The following GPR26 variants were observed in gnomAD, a reference collection of about 807,000 sequenced individuals.
The protein encoded by GPR26 is G protein-coupled receptor 26.
Under a neutral mutation model 23.1 loss-of-function variants are expected in GPR26, and 15 were observed. The observed-to-expected ratio is 0.65, with a 90% confidence interval of 0.43 to 1.00. The LOEUF (loss-of-function observed/expected upper bound fraction) is 1.00, where lower values mean the gene tolerates loss of function less well. GPR26 is among the 50% of genes least tolerant of loss of function. The pLI is 0.00. For synonymous variants in GPR26, 228 were observed against 222.1 expected, an observed-to-expected ratio of 1.03 and a Z score of -0.24; for missense variants, 359 against 470.5, an observed-to-expected ratio of 0.76 and a Z score of 2.19.
chr10:123,666,506 C>A lies in GPR26; in HGVS notation c.99C>A (p.Ser33Arg). Residue 33 changes from serine (S) to arginine (R), a missense_variant, in exon 1 of 3, where the codon AGC (serine) becomes AGA (arginine). Coordinates refer to ENST00000284674, the MANE Select transcript of GPR26 (RefSeq NM_153442.4). ...NALVLLCLLH[S>R]ADIRRQAPAL... ...TGGTGCTGCTCTGCCTGCTGCACAG[C>A]GCGGACATCCGCCGCCAGGCGCCGG... 1 of 1,574,006 alleles carries A rather than the reference C, an allele frequency of 6.4e-7. No homozygotes were observed. Among genetic ancestry groups the A allele is most frequent in the East Asian group, 2.3e-5 (1 of 42,712 alleles).
rs1219822 is a variant in GPR26 at position 123,689,499 on chromosome 10, G to A, written c.*1339G>A. The stretch of plus-strand genomic sequence containing the variant: ...TCTTCTTTGTCTACCATTTCAAATT[G>A]ACTTGTGAATACTCAGAGCAGTTAT... On this transcript the variant is annotated 3_prime_UTR_variant, in exon 3 of 3. Transcript: ENST00000284674. 125,794 of 152,156 alleles carry A rather than the reference G, an allele frequency of 0.83. 52,541 individuals carry two copies. Among genetic ancestry groups the A allele is most frequent in the East Asian group, 0.94 (4,858 of 5,160 alleles). 9.4% of individuals were successfully genotyped at this position (152,156 alleles called of 1,614,324 possible).
intron 1 of GPR26, among the ~76,000 whole-genome samples, chr10:123,673,583 C>T (rs1589924597): frequency 6.6e-6 from 1 of 152,196 alleles, no homozygotes; most frequent in African/African-American, 2.4e-5. Flanking sequence ...TTGATTCCAT[C>T]CTCAAAGCTA....
rs149646392 is a variant in GPR26, at chr10:123,674,850, G to A, written c.701G>A (p.Arg234Gln). 2.7e-5 allele frequency: 43 copies of A among 1,613,252 alleles called. No individual in the cohort carries two copies. The highest frequency in any genetic ancestry group is 1.0e-4 in the Admixed American group (6 of 60,000). The change falls in exon 2 of 3, where the codon CGG becomes CAG. Residue 234 changes from arginine (R) to glutamine (Q), a missense_variant. Physicochemically the swap from Arg to Gln is conservative, Grantham distance 43 (BLOSUM62 1). Transcript: ENST00000284674. The surrounding 1 kb of genome is among the most constrained non-coding windows in gnomAD (Gnocchi z 4.1). ...GAACGCTGTCTGGAGGAGCAGAAGC[G>A]GAGGCGACAGCGAGCCACCAAGAAG... is the stretch of plus-strand genomic sequence containing the variant. ...VRERCLEEQK[R>Q]RRQRATKKIS...
intron 2 of GPR26, among the ~76,000 whole-genome samples, chr10:123,678,761 C>T (rs1234284004): frequency 6.6e-6 from 1 of 152,178 alleles, no homozygotes; most frequent in Non-Finnish European, 1.5e-5. Context: ...CCCAGCTGTG[C>T]ATGGGTGCGG....
At position 123,689,522 on chromosome 10, in the gene GPR26, T is replaced by A. The variant is rs751733817; in HGVS notation, c.*1362T>A. ...TTGACTTGTGAATACTCAGAGCAGT[T>A]ATTTTTCAATCCTCCACTCTAAGTG... On this transcript the variant is annotated 3_prime_UTR_variant, in exon 3 of 3. Transcript: ENST00000284674. 2.6e-5 allele frequency: 4 copies of A among 152,234 alleles called. No individual in the cohort carries two copies. Among genetic ancestry groups the A allele is most frequent in the Non-Finnish European group, 4.4e-5 (3 of 68,046 alleles). The allele number at this position is 152,234 out of a possible 1,614,324, so 9.4% of individuals were successfully genotyped here. A position where few individuals can be genotyped will look rare whatever the true frequency, so the allele number is the denominator to read the frequency against.
intron 2 of GPR26, among the ~76,000 whole-genome samples, chr10:123,683,663 C>T (rs1845402406): frequency 6.6e-6 from 1 of 152,132 alleles, no homozygotes; most frequent in Non-Finnish European, 1.5e-5. Context: ...CTCCATCAGC[C>T]CTGGACTGCG....
chr10:123,686,879 G>T (rs1457408812), intron 2 of GPR26, among the ~76,000 whole-genome samples: 8 of 152,174 alleles, frequency 5.3e-5, no homozygotes, highest in Non-Finnish European at 4.4e-5. Context: ...ATATGACAGT[G>T]GGTGGAGGAG....
At position 123,696,594 on chromosome 10, in the gene GPR26, T is replaced by C. The variant is rs17608655; in HGVS notation, c.*8434T>C. Among the ~76,000 whole-genome samples the C allele has an allele frequency of 9.5e-3, 1,446 of 152,352 alleles. 12 individuals carry two copies. The highest frequency in any genetic ancestry group is 0.028 in the East Asian group (143 of 5,188). On this transcript the variant is annotated 3_prime_UTR_variant, in exon 3 of 3. Transcript: ENST00000284674. The stretch of plus-strand genomic sequence containing the variant: ...AAGAATACTTTTGGAAACCAGGATT[T>C]AGAAAAATAAAAGATATTTCTTTCC...
chr10:123,694,783 AAGGAG>A lies in GPR26; in HGVS notation c.*6626_*6630del. Among the ~76,000 whole-genome samples the A allele has an allele frequency of 6.6e-6, 1 of 151,442 alleles. No individual in the cohort carries two copies. Among genetic ancestry groups the A allele is most frequent in the African/African-American group, 2.4e-5 (1 of 41,030 alleles). On this transcript the variant is annotated 3_prime_UTR_variant, in exon 3 of 3. Transcript: ENST00000284674. ...TGAACGAAGAAGGAAGGAAGGAAGA[AAGGAG>A]AGAAAGGAGGAAGGAAAATGAATCT...
intron 1 of GPR26, among the ~76,000 whole-genome samples, chr10:123,668,298 A>T (rs1283051419): frequency 6.6e-6 from 1 of 152,188 alleles, no homozygotes; most frequent in Non-Finnish European, 1.5e-5. Flanking sequence ...ATGCCGACAC[A>T]TTGAAGGGCA....
At chr10:123,677,076 G>C (rs555263416) in intron 2 of GPR26, among the ~76,000 whole-genome samples, 1 of 152,314 alleles carries the variant, frequency 6.6e-6, no homozygotes, top group South Asian at 2.1e-4. Context: ...ACAGCCGTGG[G>C]CTAATGAGGT....
intron 2 of GPR26, among the ~76,000 whole-genome samples, chr10:123,682,483 T>G (rs1589929049): frequency 6.6e-6 from 1 of 152,350 alleles, no homozygotes; most frequent in East Asian, 1.9e-4. Context: ...ACAGGCTCTG[T>G]GTCCTCAAAG....
chr10:123,679,636 GCC>G (rs1367100463), intron 2 of GPR26, among the ~76,000 whole-genome samples: 3 of 133,554 alleles, frequency 2.2e-5, no homozygotes, highest in African/African-American at 8.6e-5. Flanking sequence ...TTGAATAATT[GCC>G]CAGAGCTATG....
chr10:123,688,143 C>A lies in GPR26; in HGVS notation c.997C>A (p.Leu333Met). 2 of 1,594,710 alleles carry A rather than the reference C, an allele frequency of 1.3e-6. No homozygotes were observed. Among genetic ancestry groups the A allele is most frequent in the Non-Finnish European group, 1.7e-6 (2 of 1,168,796 alleles). Residue 333 changes from leucine to methionine, a missense_variant, in exon 3 of 3, where the codon CTG (leucine) becomes ATG (methionine). Leu to Met is a conservative substitution (Grantham distance 15, BLOSUM62 2). Transcript: ENST00000284674. Reference protein sequence around the residue: ...LTGDSHSQNILPVSE With the variant: ...LTGDSHSQNIMPVSE Reference sequence around the variant, plus strand: ...AGGCGACTCTCACAGCCAGAACATTCTGCCGGTGTCTGAGTGAAGGACCGC... The same window carrying A: ...AGGCGACTCTCACAGCCAGAACATTATGCCGGTGTCTGAGTGAAGGACCGC...
chr10:123,666,850 G>C lies in GPR26; in HGVS notation c.443G>C (p.Gly148Ala). Residue 148 changes from glycine (G) to alanine (A), a missense_variant, in exon 1 of 3, where the codon GGC (glycine) becomes GCC (alanine). Transcript: ENST00000284674. Reference sequence around the variant, plus strand: ...GCCGCGCTCGCCCTGTCCTGGCTCGGCTTCCACCAGCTGTACGCCTCGTGC... The same window carrying C: ...GCCGCGCTCGCCCTGTCCTGGCTCGCCTTCCACCAGCTGTACGCCTCGTGC... ...PAAALALSWL[G>A]FHQLYASCTL... The C allele has an allele frequency of 1.9e-6, 3 of 1,610,802 alleles. No individual in the cohort carries two copies. Among genetic ancestry groups the C allele is most frequent in the Non-Finnish European group, 2.5e-6 (3 of 1,178,888 alleles).
At position 123,681,776 on chromosome 10, in the gene GPR26, G is replaced by A. The variant is rs188121236; in HGVS notation, c.783-6153G>A. Among the ~76,000 whole-genome samples the A allele has an allele frequency of 1.8e-4, 28 of 152,330 alleles. No individual in the cohort carries two copies. The Middle Eastern group carries it at 0.01, about 56-fold the overall frequency. On this transcript the variant is annotated intron_variant, in intron 2 of 2. Transcript: ENST00000284674. The stretch of plus-strand genomic sequence containing the variant: ...AAAGAAACATTCCAGTGTTCCTGTA[G>A]GTTCTCAAGCTTTCTATTGGAGAGC...
Position 123,674,692 on chromosome 10 carries a change from T to A in GPR26, c.669-126T>A. On this transcript the variant is annotated intron_variant, in intron 1 of 2. Transcript: ENST00000284674. The surrounding 1 kb of genome is among the most constrained non-coding windows in gnomAD (Gnocchi z 4.1). ...AATAGCTACAGCCAAGAGTTGACGC[T>A]GGGTCTTTCCGACTCCATAGTCAAG... The A allele has an allele frequency of 1.6e-6, 1 of 625,208 alleles. No homozygotes were observed. The highest frequency in any genetic ancestry group is 2.8e-5 in the East Asian group (1 of 35,550). The allele number at this position is 625,208 out of a possible 1,614,324, so 38.7% of individuals were successfully genotyped here. A position where few individuals can be genotyped will look rare whatever the true frequency, so the allele number is the denominator to read the frequency against.
intron 1 of GPR26, among the ~76,000 whole-genome samples, chr10:123,667,334 T>TG (rs1418308961): frequency 6.6e-6 from 1 of 152,202 alleles, no homozygotes; most frequent in Non-Finnish European, 1.5e-5. Flanking sequence ...GTCAGAACTC[T>TG]GTTGGGCTTC....
intron 1 of GPR26, among the ~76,000 whole-genome samples, chr10:123,668,951 G>A (rs1344179854): frequency 6.6e-6 from 1 of 152,220 alleles, no homozygotes; most frequent in East Asian, 1.9e-4. Flanking sequence ...CTCCACTCCT[G>A]CAAATCCCTC....
Sources: allele counts gnomAD v4.1 joint callset (sites outside exome capture counted in the v4.1 genomes callset), GRCh38; gene constraint gnomAD v4.1.1; non-coding constraint Gnocchi (gnomAD v3.1); transcripts MANE v1.5; gene names NCBI Gene and HGNC (gene_info 2026-07-23, HGNC 2026-07-21).